TEAD4: variants seen among roughly 807,000 people sequenced by gnomAD.
TEAD4 encodes TEA domain transcription factor 4.
Under a neutral mutation model 52.4 loss-of-function variants are expected in TEAD4, and 36 were observed. The observed-to-expected ratio is 0.69, with a 90% confidence interval of 0.53 to 0.91. The LOEUF is 0.91. Among genes scored for constraint, TEAD4 ranks in the 40% least tolerant of loss-of-function variants. The probability of loss-of-function intolerance (pLI) is 0.00; values close to 1 mark genes in which losing one functional copy is unlikely to be tolerated. For missense variants in TEAD4, 508 were observed against 583.9 expected, an observed-to-expected ratio of 0.87 and a Z score of 1.34; for synonymous variants, 220 against 231.0, an observed-to-expected ratio of 0.95 and a Z score of 0.43.
intron 10 of TEAD4, among the ~76,000 whole-genome samples, chr12:3,022,499 C>G (rs749576703): frequency 6.6e-6 from 1 of 152,112 alleles, no homozygotes; most frequent in Non-Finnish European, 1.5e-5. Context: ...GATGGGTCAC[C>G]CAGCTGACTC....
intron 11 of TEAD4, among the ~76,000 whole-genome samples, chr12:3,038,484 A>G (rs1225745840): frequency 6.6e-6 from 1 of 152,202 alleles, no homozygotes; most frequent in African/African-American, 2.4e-5. Flanking sequence ...ATGGTCACAC[A>G]GCTCATTAGT....
intron 2 of TEAD4, among the ~76,000 whole-genome samples, chr12:2,976,482 T>A (rs2098229800): frequency 6.6e-6 from 1 of 152,186 alleles, no homozygotes; most frequent in African/African-American, 2.4e-5. Context: ...TTCCTCTGGG[T>A]ACCTGTTTCC....
At chr12:3,005,131 C>T (rs986619893) in intron 3 of TEAD4, among the ~76,000 whole-genome samples, 4 of 152,192 alleles carry the variant, frequency 2.6e-5, no homozygotes, top group African/African-American at 2.4e-5. Flanking sequence ...GGACAAATGC[C>T]GAGAGGGCTC....
intron 2 of TEAD4, among the ~76,000 whole-genome samples, chr12:2,986,126 CAA>C (rs981135578): frequency 3.0e-4 from 46 of 152,080 alleles, no homozygotes; most frequent in African/African-American, 1.0e-3. Context: ...AAAACAGAGA[CAA>C]ACGCACACAT....
At position 2,994,888 on chromosome 12, in the gene TEAD4, G is replaced by T; in HGVS notation, c.122G>T (p.Gly41Val). ...AAGCCCATCGACAATGACGCAGAGG[G>T]CGTGTGGAGCCCGGATATTGAGCAG... The change falls in exon 3 of 13, where the codon GGC (glycine) becomes GTC (valine). Residue 41 changes from glycine (G) to valine (V), a missense_variant. Physicochemically the swap from Gly to Val is moderately radical, Grantham distance 109. Transcript: ENST00000359864. This position sits in a 1 kb window ranked among gnomAD's most constrained non-coding sequence, Gnocchi z 4.7. The T allele has an allele frequency of 1.2e-6, 2 of 1,614,180 alleles. No individual in the cohort carries two copies. Among genetic ancestry groups the T allele is most frequent in the Non-Finnish European group, 1.7e-6 (2 of 1,180,040 alleles).
intron 10 of TEAD4, 64 bp from the exon 11 acceptor site, chr12:3,037,904 T>G (rs1013473423): frequency 2.6e-5 from 41 of 1,566,340 alleles, no homozygotes; most frequent in Non-Finnish European, 3.5e-5. Context: ...TGAGGTCTCC[T>G]TGATGCTCCC....
At chr12:3,003,050 C>T (rs966722434) in intron 3 of TEAD4, among the ~76,000 whole-genome samples, 2 of 152,178 alleles carry the variant, frequency 1.3e-5, no homozygotes, top group Non-Finnish European at 2.9e-5. Flanking sequence ...ACACCCTGGC[C>T]CCCGCTTCCA....
At chr12:2,996,412 CTT>C (rs34492810) in intron 3 of TEAD4, among the ~76,000 whole-genome samples, 9 of 145,230 alleles carry the variant, frequency 6.2e-5, no homozygotes, top group Non-Finnish European at 7.6e-5. Context: ...CTCTCTCTCT[CTT>C]TTTTTTTTTT....
intron 10 of TEAD4, among the ~76,000 whole-genome samples, chr12:3,028,778 G>A (rs893551651): frequency 2.6e-5 from 4 of 151,802 alleles, no homozygotes; most frequent in Non-Finnish European, 5.9e-5. Context: ...TTACAGGCAC[G>A]CACCACCATG....
chr12:3,007,527 GT>G, intron 3 of TEAD4, among the ~76,000 whole-genome samples: 1 of 152,288 alleles, frequency 6.6e-6, no homozygotes, highest in East Asian at 1.9e-4. Context: ...AGGTTTACGC[GT>G]TAGGACCCAG....
At chr12:3,032,411 G>C (rs1046839580) in intron 10 of TEAD4, among the ~76,000 whole-genome samples, 1 of 152,182 alleles carries the variant, frequency 6.6e-6, no homozygotes, top group Non-Finnish European at 1.5e-5. Context: ...CCTGGGACAG[G>C]AGCCGCTGGA....
intron 5 of TEAD4, 126 bp downstream of exon 5, chr12:3,012,358 G>A: frequency 3.9e-6 from 4 of 1,013,810 alleles, no homozygotes; most frequent in South Asian, 1.6e-5. Context: ...GTTGAGGAGA[G>A]CCAGGTTGGG....
At chr12:3,012,275 T>C in intron 5 of TEAD4, 43 bp downstream of exon 5, 1 of 1,600,718 alleles carries the variant, frequency 6.2e-7, no homozygotes, top group South Asian at 1.1e-5. Context: ...CCAGGAGTGG[T>C]GGCCAGCAGC....
Position 2,974,923 on chromosome 12 carries a change from C to T in TEAD4, c.-30+14883C>T, listed in dbSNP as rs537954696. ...GGCAAGTGCTTCTGTTAGTCACTCCCGGGCTAAATCTATTAATATTTTCAG... is the reference window on the plus strand; with the variant it reads ...GGCAAGTGCTTCTGTTAGTCACTCCTGGGCTAAATCTATTAATATTTTCAG... On this transcript the variant is annotated intron_variant, in intron 2 of 12. Coordinates refer to ENST00000359864, the MANE Select transcript of TEAD4 (RefSeq NM_003213.4). Among the ~76,000 whole-genome samples the T allele has an allele frequency of 1.4e-4, 22 of 152,212 alleles. No homozygotes were observed. The South Asian group carries it at 3.3e-3, about 23-fold the overall frequency.
At chr12:3,020,215 A>G (rs2098267681) in intron 8 of TEAD4, among the ~76,000 whole-genome samples, 1 of 152,172 alleles carries the variant, frequency 6.6e-6, no homozygotes, top group Non-Finnish European at 1.5e-5. Flanking sequence ...GCAAACAGGA[A>G]ACGTCCCCGT....
rs1188833755 is a variant in TEAD4, at chr12:3,019,157, G to A, written c.570G>A (p.Pro190=). Residue 190 remains proline, a synonymous_variant, in exon 8 of 13, where the codon CCG becomes CCA. Coordinates refer to ENST00000359864, the MANE Select transcript of TEAD4 (RefSeq NM_003213.4). ...AGCAAACCTATGCTGTCCAGCCTCC[G>A]CTGCCTCTGCCAGGTGGGTGGGCGC... The A allele has an allele frequency of 8.7e-6, 14 of 1,613,820 alleles. No individual in the cohort carries two copies. Among genetic ancestry groups the A allele is most frequent in the African/African-American group, 2.7e-5 (2 of 74,916 alleles).
chr12:2,991,718 G>A (rs1200199917), intron 2 of TEAD4, among the ~76,000 whole-genome samples: 1 of 148,540 alleles, frequency 6.7e-6, no homozygotes, highest in African/African-American at 2.4e-5. Flanking sequence ...TCATGTTCAG[G>A]ATAGAATCAA....
chr12:3,018,984 A>T (rs1310413829), intron 7 of TEAD4, 131 bp from the exon 8 acceptor site: 10 of 1,116,808 alleles, frequency 9.0e-6, no homozygotes, highest in Non-Finnish European at 5.3e-6. Flanking sequence ...CGGGAGTAGG[A>T]GGCCAAGGCC....
intron 2 of TEAD4, among the ~76,000 whole-genome samples, chr12:2,965,581 T>G (rs1340450975): frequency 6.6e-6 from 1 of 152,206 alleles, no homozygotes; most frequent in East Asian, 1.9e-4. Flanking sequence ...AGACGGAGTC[T>G]CGCTCTTTCG....
Sources: allele counts gnomAD v4.1 joint callset (sites outside exome capture counted in the v4.1 genomes callset), GRCh38; gene constraint gnomAD v4.1.1; non-coding constraint Gnocchi (gnomAD v3.1); transcripts MANE v1.5; gene names NCBI Gene and HGNC (gene_info 2026-07-23, HGNC 2026-07-21).